GUCY1A2: variants seen among roughly 807,000 people sequenced by gnomAD.
GUCY1A2 encodes guanylate cyclase soluble subunit alpha-2.
A neutral mutation model predicts 63.5 loss-of-function variants in GUCY1A2; 27 were observed. The observed-to-expected ratio is 0.43, with a 90% CI of 0.31 to 0.59. GUCY1A2 has a LOEUF of 0.59. GUCY1A2 is among the 20% of genes least tolerant of loss of function. The pLI is 0.11. For missense variants in GUCY1A2, 768 were observed against 913.3 expected, an observed-to-expected ratio of 0.84 and a Z score of 2.05; for synonymous variants, 364 against 343.5, an observed-to-expected ratio of 1.06 and a Z score of -0.66.
chr11:106,709,016 T>G (rs1862971749), intron 6 of GUCY1A2, among the ~76,000 whole-genome samples: 1 of 150,006 alleles, frequency 6.7e-6, no homozygotes, highest in Non-Finnish European at 1.5e-5. Flanking sequence ...CTCCCTCCAG[T>G]TATTCTTAAA....
intron 4 of GUCY1A2, among the ~76,000 whole-genome samples, chr11:106,847,713 A>G (rs1350840000): frequency 6.6e-6 from 1 of 151,670 alleles, no homozygotes; most frequent in East Asian, 1.9e-4. Flanking sequence ...GAAATTTTTG[A>G]AAGGTGTATA....
intron 3 of GUCY1A2, among the ~76,000 whole-genome samples, chr11:106,946,961 G>C (rs1021847801): frequency 9.2e-5 from 14 of 152,114 alleles, no homozygotes; most frequent in African/African-American, 3.1e-4. Flanking sequence ...GCTCACACCT[G>C]TAATCCCAGC....
At chr11:106,786,137 A>G (rs901779) in intron 5 of GUCY1A2, among the ~76,000 whole-genome samples, 84,569 of 151,998 alleles carry the variant, frequency 0.56, 23,651 homozygotes, top group East Asian at 0.79. Context: ...GTTGAGCTCA[A>G]TTAAACACAC....
At chr11:106,755,541 A>G (rs1863958188) in intron 6 of GUCY1A2, among the ~76,000 whole-genome samples, 2 of 152,016 alleles carry the variant, frequency 1.3e-5, no homozygotes. Flanking sequence ...ATTCTGGTAC[A>G]TTGTGTCTTT....
At chr11:106,787,930 C>A (rs867503175) in intron 5 of GUCY1A2, among the ~76,000 whole-genome samples, 2 of 152,086 alleles carry the variant, frequency 1.3e-5, no homozygotes, top group Middle Eastern at 3.4e-3. Flanking sequence ...TGTATGGTAG[C>A]TCTATTTTTA....
intron 6 of GUCY1A2, among the ~76,000 whole-genome samples, chr11:106,736,870 CA>C (rs1459193434): frequency 2.6e-5 from 4 of 152,096 alleles, no homozygotes; most frequent in Non-Finnish European, 5.9e-5. Flanking sequence ...GTGACACTTA[CA>C]GTGATCATTG....
At chr11:106,782,211 CTACAT>C (rs1324873562) in intron 5 of GUCY1A2, among the ~76,000 whole-genome samples, 1 of 152,094 alleles carries the variant, frequency 6.6e-6, no homozygotes, top group African/African-American at 2.4e-5. Context: ...GGTTCAGAGT[CTACAT>C]TACTGAACAA....
chr11:106,913,250 T>G (rs988767214), intron 4 of GUCY1A2, among the ~76,000 whole-genome samples: 1 of 152,100 alleles, frequency 6.6e-6, no homozygotes, highest in Non-Finnish European at 1.5e-5. Context: ...AGCTAGACAA[T>G]TTATAAAGAA....
intron 5 of GUCY1A2, among the ~76,000 whole-genome samples, chr11:106,782,317 G>GAGAC (rs1162875211): frequency 7.2e-5 from 11 of 152,224 alleles, no homozygotes; most frequent in African/African-American, 2.4e-4. Context: ...GCCTTAAAAA[G>GAGAC]AGACAGAGAG....
chr11:106,729,041 A>G (rs1180378650), intron 6 of GUCY1A2, among the ~76,000 whole-genome samples: 1 of 152,148 alleles, frequency 6.6e-6, no homozygotes, highest in Non-Finnish European at 1.5e-5. Context: ...CATGCTTTAT[A>G]TTGTTCCATG....
At chr11:106,701,940 TG>T (rs141041190) in intron 7 of GUCY1A2, among the ~76,000 whole-genome samples, 1,852 of 152,302 alleles carry the variant, frequency 0.012, 33 homozygotes, top group African/African-American at 0.043. Flanking sequence ...AAGTAATTAT[TG>T]TTTTTTTCCA....
chr11:106,702,557 A>G (rs895140675), intron 7 of GUCY1A2, among the ~76,000 whole-genome samples: 1 of 152,116 alleles, frequency 6.6e-6, no homozygotes, highest in Non-Finnish European at 1.5e-5. Flanking sequence ...TGCTTCTTAA[A>G]TATAGAAATA....
At chr11:106,865,897 T>A (rs1859585648) in intron 4 of GUCY1A2, among the ~76,000 whole-genome samples, 1 of 151,358 alleles carries the variant, frequency 6.6e-6, no homozygotes, top group African/African-American at 2.4e-5. Flanking sequence ...ATAATTTATA[T>A]ATAATTATAT....
intron 4 of GUCY1A2, among the ~76,000 whole-genome samples, chr11:106,915,174 G>A (rs185143025): frequency 6.6e-6 from 1 of 152,210 alleles, no homozygotes; most frequent in Non-Finnish European, 1.5e-5. Context: ...AAGAGAGTTG[G>A]AGAAAGAATG....
intron 3 of GUCY1A2, among the ~76,000 whole-genome samples, chr11:106,941,172 T>C (rs182871720): frequency 7.9e-5 from 12 of 152,278 alleles, no homozygotes; most frequent in Non-Finnish European, 1.3e-4. Flanking sequence ...GGAGGAGGAA[T>C]CTGATGAGAC....
At chr11:106,864,388 T>C (rs1859560090) in intron 4 of GUCY1A2, among the ~76,000 whole-genome samples, 2 of 152,112 alleles carry the variant, frequency 1.3e-5, no homozygotes, top group African/African-American at 4.8e-5. Context: ...ACTTCCTCTC[T>C]TCCTATTTGA....
intron 4 of GUCY1A2, among the ~76,000 whole-genome samples, chr11:106,909,148 AT>A: frequency 6.6e-6 from 1 of 152,116 alleles, no homozygotes; most frequent in Middle Eastern, 3.4e-3. Flanking sequence ...TATATAATAA[AT>A]TTTGTGCACT....
At chr11:106,782,688 TGG>T (rs1405087021) in intron 5 of GUCY1A2, among the ~76,000 whole-genome samples, 2 of 152,292 alleles carry the variant, frequency 1.3e-5, no homozygotes, top group Admixed American at 1.3e-4. Flanking sequence ...TGGAAGTCTT[TGG>T]TGACTAGAAA....
Position 106,964,843 on chromosome 11 carries a change from G to A in GUCY1A2, c.487+13776C>T, listed in dbSNP as rs544680822. On this transcript the variant is annotated intron_variant, in intron 3 of 7. Coordinates refer to ENST00000526355, the MANE Select transcript of GUCY1A2 (RefSeq NM_000855.3). The stretch of plus-strand genomic sequence containing the variant: ...AAATACGAAAAAATTAGCTGGGCGT[G>A]GTGGCGGGCACCTGTAGTCCCAGCT... Among the ~76,000 whole-genome samples, 7 of 152,206 alleles carry A rather than the reference G, an allele frequency of 4.6e-5. No homozygotes were observed. The South Asian group carries it at 1.2e-3, about 27-fold the overall frequency.
Sources: allele counts gnomAD v4.1 joint callset (sites outside exome capture counted in the v4.1 genomes callset), GRCh38; gene constraint gnomAD v4.1.1; transcripts MANE v1.5; gene names NCBI Gene and HGNC (gene_info 2026-07-23, HGNC 2026-07-21).